The following TFEB variants were observed in gnomAD, a reference collection of about 807,000 sequenced individuals.
The protein encoded by TFEB is transcription factor EB.
Under a neutral mutation model 48.0 loss-of-function variants are expected in TFEB, and 12 were observed. That is an observed-to-expected ratio of 0.25 (90% CI 0.16 to 0.40). The LOEUF (loss-of-function observed/expected upper bound fraction) is 0.40, where lower values mean the gene tolerates loss of function less well. Ranked by LOEUF, TFEB falls within the 10% of genes least tolerant of loss-of-function variation. The pLI is 1.00. For synonymous variants in TFEB, 244 were observed against 261.4 expected (o/e 0.93, Z 0.64); for missense variants, 509 against 640.3 (o/e 0.79, Z 2.21).
intron 1 of TFEB, among the ~76,000 whole-genome samples, chr6:41,693,656 C>T (rs1297773289): frequency 6.6e-6 from 1 of 152,060 alleles, no homozygotes; most frequent in Non-Finnish European, 1.5e-5. Context: ...TGGCCCTCAC[C>T]CCACCCTCCT....
intron 1 of TFEB, among the ~76,000 whole-genome samples, chr6:41,714,211 G>T (rs1171623934): frequency 1.3e-5 from 2 of 152,124 alleles, no homozygotes; most frequent in East Asian, 1.9e-4. Flanking sequence ...GTGCATGTGC[G>T]TGCGTGTCTG....
Position 41,691,373 on chromosome 6 carries a change from T to C in TFEB, c.-22-138A>G. On this transcript the variant is annotated intron_variant, in intron 1 of 8. Coordinates refer to ENST00000373033, the MANE Select transcript of TFEB (RefSeq NM_001271944.2). The surrounding 1 kb of genome is among the most constrained non-coding windows in gnomAD (Gnocchi z 5.2). ...CACCGAGCCCTGAGAGGGGAAGAGA[T>C]TTGCCCAAGGTCACTGAGCAAGCGG... is the stretch of plus-strand genomic sequence containing the variant. 1.1e-6 allele frequency: 1 copy of C among 926,066 alleles called. No individual in the cohort carries two copies. Among genetic ancestry groups the C allele is most frequent in the South Asian group, 1.4e-5 (1 of 70,992 alleles). The allele number at this position is 926,066 out of a possible 1,614,324, so 57.4% of individuals were successfully genotyped here.
In TFEB at chr6:41,734,803, C is replaced by T. The variant is rs985865192; in HGVS notation, c.-23+547G>A. ...AGGGAGAGATGGTACTTCCACCCGC[C>T]CCCCCATCAGCCCAGCCCCCGGGGC... On this transcript the variant is annotated intron_variant, in intron 1 of 8. Coordinates refer to ENST00000373033, the MANE Select transcript of TFEB (RefSeq NM_001271944.2). This position sits in a 1 kb window ranked among gnomAD's most constrained non-coding sequence, Gnocchi z 4.0. 5 of 778,076 alleles carry T rather than the reference C, an allele frequency of 6.4e-6. No individual in the cohort carries two copies. Among genetic ancestry groups the T allele is most frequent in the African/African-American group, 5.7e-5 (3 of 53,060 alleles). 48.2% of individuals were successfully genotyped at this position (778,076 alleles called of 1,614,324 possible).
rs1352218125 is a variant in TFEB, at chr6:41,734,206, G to A, written c.-23+1144C>T. 3 of 308,678 alleles carry A rather than the reference G, an allele frequency of 9.7e-6. No homozygotes were observed. The highest frequency in any genetic ancestry group is 4.5e-5 in the African/African-American group (2 of 44,360). 19.1% of individuals were successfully genotyped at this position (308,678 alleles called of 1,614,324 possible). On this transcript the variant is annotated intron_variant, in intron 1 of 8. Coordinates refer to ENST00000373033, the MANE Select transcript of TFEB (RefSeq NM_001271944.2). This position sits in a 1 kb window ranked among gnomAD's most constrained non-coding sequence, Gnocchi z 4.0. The stretch of plus-strand genomic sequence containing the variant: ...CGACGGCTGGAGCTGAGGGGGGTTC[G>A]GGGGAAGGCGCAGCGGCCAGGGGCT...
Position 41,734,243 on chromosome 6 carries a change from G to A in TFEB, c.-23+1107C>T. ...AGCGGCCAGGGGCTGGCGGAGAGCG[G>A]AGGGCGGGGGCCTGGGCCCAGCGGG... On this transcript the variant is annotated intron_variant, in intron 1 of 8. Coordinates refer to ENST00000373033, the MANE Select transcript of TFEB (RefSeq NM_001271944.2). The surrounding 1 kb of genome is among the most constrained non-coding windows in gnomAD (Gnocchi z 4.0). The A allele has an allele frequency of 1.7e-6, 1 of 597,864 alleles. No individual in the cohort carries two copies. The highest frequency in any genetic ancestry group is 2.1e-6 in the Non-Finnish European group (1 of 475,718). The allele number at this position is 597,864 out of a possible 1,614,324, so 37.0% of individuals were successfully genotyped here. A position where few individuals can be genotyped will look rare whatever the true frequency, so the allele number is the denominator to read the frequency against.
At chr6:41,717,047 G>C (rs1770768753) in intron 1 of TFEB, among the ~76,000 whole-genome samples, 1 of 152,234 alleles carries the variant, frequency 6.6e-6, no homozygotes, top group South Asian at 2.1e-4. Context: ...GCTCCAGGCA[G>C]AGCTGTACTG....
At chr6:41,728,699 G>A (rs1470368362) in intron 1 of TFEB, among the ~76,000 whole-genome samples, 1 of 152,018 alleles carries the variant, frequency 6.6e-6, no homozygotes, top group Non-Finnish European at 1.5e-5. Context: ...GTTGGGGGAG[G>A]TGCTGGCAGA....
intron 1 of TFEB, among the ~76,000 whole-genome samples, chr6:41,701,350 C>T (rs1442361753): frequency 2.0e-5 from 3 of 152,220 alleles, no homozygotes; most frequent in African/African-American, 7.2e-5. Context: ...ATGCTTTGTT[C>T]TCTAGTTGTT....
chr6:41,712,481 C>G (rs994244633), intron 1 of TFEB, among the ~76,000 whole-genome samples: 81 of 152,176 alleles, frequency 5.3e-4, no homozygotes, highest in African/African-American at 1.9e-3. Context: ...GTTACTGAAG[C>G]CTCTCAGGGC....
Position 41,733,007 on chromosome 6 carries a change from G to C in TFEB, c.-23+2343C>G, listed in dbSNP as rs950631183. 4.1e-6 allele frequency: 4 copies of C among 985,420 alleles called. No homozygotes were observed. In the African/African-American group the frequency reaches 5.2e-5, roughly 13 times the overall value. 61.0% of individuals were successfully genotyped at this position (985,420 alleles called of 1,614,324 possible). On this transcript the variant is annotated intron_variant, in intron 1 of 8. Coordinates refer to ENST00000373033, the MANE Select transcript of TFEB (RefSeq NM_001271944.2). Reference sequence around the variant, plus strand: ...TTGAAAAGGAAGAGACAGAACCCAGGGGGTGGCTGGGCTACTCCCTGTGGG... The same window carrying C: ...TTGAAAAGGAAGAGACAGAACCCAGCGGGTGGCTGGGCTACTCCCTGTGGG...
chr6:41,734,828 C>G lies in TFEB; in HGVS notation c.-23+522G>C, dbSNP rs13198379. 1.0e-5 allele frequency: 8 copies of G among 798,918 alleles called. No homozygotes were observed. The highest frequency in any genetic ancestry group is 1.2e-5 in the Non-Finnish European group (8 of 660,798). The allele number at this position is 798,918 out of a possible 1,614,324, so 49.5% of individuals were successfully genotyped here. A position where few individuals can be genotyped will look rare whatever the true frequency, so the allele number is the denominator to read the frequency against. Reference sequence around the variant, plus strand: ...CCCCCCATCAGCCCAGCCCCCGGGGCGTGGCGCCGCTCTGGCCCTCCCACT... The same window carrying G: ...CCCCCCATCAGCCCAGCCCCCGGGGGGTGGCGCCGCTCTGGCCCTCCCACT... On this transcript the variant is annotated intron_variant, in intron 1 of 8. Coordinates refer to ENST00000373033, the MANE Select transcript of TFEB (RefSeq NM_001271944.2). This position sits in a 1 kb window ranked among gnomAD's most constrained non-coding sequence, Gnocchi z 4.0.
At chr6:41,731,490 C>A (rs1009440334) in intron 1 of TFEB, among the ~76,000 whole-genome samples, 1 of 151,946 alleles carries the variant, frequency 6.6e-6, no homozygotes, top group African/African-American at 2.4e-5. Flanking sequence ...CCACCCCTTG[C>A]TTTCTCTTCC....
At chr6:41,712,870 G>C (rs1448335135) in intron 1 of TFEB, among the ~76,000 whole-genome samples, 3 of 152,156 alleles carry the variant, frequency 2.0e-5, no homozygotes, top group Admixed American at 2.0e-4. Flanking sequence ...GCTCTTTCCA[G>C]GGGTGAGCAA....
In TFEB at chr6:41,720,841, A is replaced by G. The variant is rs1581927518; in HGVS notation, c.-23+14509T>C. Among the ~76,000 whole-genome samples the G allele has an allele frequency of 6.6e-6, 1 of 152,192 alleles. No individual in the cohort carries two copies. The highest frequency in any genetic ancestry group is 1.5e-5 in the Non-Finnish European group (1 of 68,034). ...TATAATTATTCCATCATATATTACA[A>G]TGTAATAATCATAGAAATAAAGTAC... On this transcript the variant is annotated intron_variant, in intron 1 of 8. Transcript: ENST00000373033. This position sits in a 1 kb window ranked among gnomAD's most constrained non-coding sequence, Gnocchi z 4.1.
chr6:41,716,063 G>A (rs555108603), intron 1 of TFEB, among the ~76,000 whole-genome samples: 1 of 152,312 alleles, frequency 6.6e-6, no homozygotes, highest in East Asian at 1.9e-4. Flanking sequence ...CACTACCACT[G>A]CTACTAATAC....
intron 1 of TFEB, among the ~76,000 whole-genome samples, chr6:41,697,713 T>C (rs1185811841): frequency 1.3e-5 from 2 of 152,172 alleles, no homozygotes; most frequent in African/African-American, 2.4e-5. Flanking sequence ...CTTCACATTA[T>C]ATGGAAAAAA....
At chr6:41,716,170 C>T (rs1395807638) in intron 1 of TFEB, among the ~76,000 whole-genome samples, 1 of 152,248 alleles carries the variant, frequency 6.6e-6, no homozygotes, top group African/African-American at 2.4e-5. Flanking sequence ...CTCCATCTCA[C>T]AGAGGAGGAA....
chr6:41,706,362 G>T (rs78470916), intron 1 of TFEB, among the ~76,000 whole-genome samples: 6,243 of 152,206 alleles, frequency 0.041, 156 homozygotes, highest in South Asian at 0.11. Context: ...TTCTGCTTTC[G>T]ATCTGAGTCA....
In TFEB at chr6:41,723,498, A is replaced by C. The variant is rs1286314863; in HGVS notation, c.-23+11852T>G. ...AGCCCCCTGGAAGGAGGCCCCTGGA[A>C]TGCTCAGCTCCTCCAGGGGCCGGAG... On this transcript the variant is annotated intron_variant, in intron 1 of 8. Coordinates refer to ENST00000373033, the MANE Select transcript of TFEB (RefSeq NM_001271944.2). The surrounding 1 kb of genome is among the most constrained non-coding windows in gnomAD (Gnocchi z 6.0). 7.8e-7 allele frequency: 1 copy of C among 1,289,138 alleles called. No homozygotes were observed. The highest frequency in any genetic ancestry group is 1.0e-6 in the Non-Finnish European group (1 of 988,712). The allele number at this position is 1,289,138 out of a possible 1,614,324, so 79.9% of individuals were successfully genotyped here.
Sources: gnomAD v4.1 joint callset for allele counts (sites outside exome capture counted in the v4.1 genomes callset) on GRCh38, gnomAD v4.1.1 for gene constraint, Gnocchi (gnomAD v3.1) non-coding constraint, MANE v1.5 for transcripts, NCBI Gene and HGNC (gene_info 2026-07-23, HGNC 2026-07-21) for gene names.